Variants in MPV17 observed in about 807,000 individuals in gnomAD.
MPV17 encodes MPV17, mitochondrial inner membrane protein.
Under a neutral mutation model 28.6 loss-of-function variants are expected in MPV17, and 31 were observed. That is an observed-to-expected ratio of 1.08 (90% CI 0.81 to 1.46). The LOEUF (loss-of-function observed/expected upper bound fraction) is 1.46. Among genes scored for constraint, MPV17 ranks in the 40% most tolerant of loss-of-function variants. The pLI is 0.00. For synonymous variants in MPV17, 87 were observed against 85.3 expected, an observed-to-expected ratio of 1.02 and a Z score of -0.11; for missense variants, 198 against 216.2, an observed-to-expected ratio of 0.92 and a Z score of 0.53.
intron 2 of MPV17, 32 bp downstream of exon 2, chr2:27,322,416 T>C: frequency 1.3e-6 from 2 of 1,589,250 alleles, no homozygotes; most frequent in Non-Finnish European, 1.7e-6. Flanking sequence ...CAGTCTGCCC[T>C]GGTCCCACTC....
chr2:27,313,291 G>T, intron 2 of MPV17, 182 bp from the exon 3 acceptor site: 1 of 1,365,808 alleles, frequency 7.3e-7, no homozygotes, highest in South Asian at 1.3e-5. Context: ...CAATGATGGT[G>T]ACACCTCATG....
intron 2 of MPV17, among the ~76,000 whole-genome samples, chr2:27,316,362 C>T (rs1266810264): frequency 1.3e-5 from 2 of 152,198 alleles, no homozygotes; most frequent in Non-Finnish European, 2.9e-5. Flanking sequence ...CTGTGCCCAT[C>T]AAGCCTGAGG....
chr2:27,321,277 T>G (rs1401019035), intron 2 of MPV17, among the ~76,000 whole-genome samples: 1 of 152,190 alleles, frequency 6.6e-6, no homozygotes, highest in East Asian at 1.9e-4. Flanking sequence ...ACCACACACG[T>G]AGCCAGGTGA....
intron 2 of MPV17, among the ~76,000 whole-genome samples, chr2:27,314,880 C>T (rs1333637948): frequency 6.6e-6 from 1 of 152,242 alleles, no homozygotes; most frequent in African/African-American, 2.4e-5. Flanking sequence ...GTTCTTCCTC[C>T]ACACCCTCTG....
Position 27,313,091 on chromosome 2 carries a change from C to T in MPV17, c.89G>A (p.Gly30Asp). The change falls in exon 3 of 8, where the codon GGT becomes GAT. Residue 30 changes from glycine to aspartate, a missense_variant. Coordinates refer to ENST00000380044, the MANE Select transcript of MPV17 (RefSeq NM_002437.5). ...CACCAGCTGCTGTGAGATAATGTCA[C>T]CCAGGCCCATCAGGGACCCTATGCA... ...VLTAGSLMGL[G>D]DIISQQLVER... The T allele has an allele frequency of 6.2e-7, 1 of 1,614,206 alleles. No individual in the cohort carries two copies. Among genetic ancestry groups the T allele is most frequent in the African/African-American group, 1.3e-5 (1 of 75,052 alleles).
chr2:27,322,374 G>A (rs755599654), intron 2 of MPV17, 74 bp downstream of exon 2: 2 of 1,183,358 alleles, frequency 1.7e-6, no homozygotes, highest in African/African-American at 3.0e-5. Context: ...AAGTGAGGGT[G>A]GTGCAGTGGG....
At position 27,313,574 on chromosome 2, in the gene MPV17, T is replaced by C. The variant is rs1428627876; in HGVS notation, c.71-465A>G. 2.6e-5 allele frequency among the ~76,000 whole-genome samples: 4 copies of C among 152,316 alleles called. No homozygotes were observed. The East Asian group carries it at 5.8e-4, about 22-fold the overall frequency. On this transcript the variant is annotated intron_variant, in intron 2 of 7. Coordinates refer to ENST00000380044, the MANE Select transcript of MPV17 (RefSeq NM_002437.5). ...CAGGTGGCTGGATTCCTAGACACTG[T>C]TCTTTCCAGGACTCAGCACAATGAA...
At chr2:27,312,612 C>T in intron 4 of MPV17, 23 bp from the exon 5 acceptor site, 1 of 1,613,798 alleles carries the variant, frequency 6.2e-7, no homozygotes, top group Non-Finnish European at 8.5e-7. Context: ...AATTAAAGTC[C>T]TATGAGTGCT....
Position 27,312,979 on chromosome 2 carries a change from G to A in MPV17, c.186+15C>T, listed in dbSNP as rs754297946. 1 of 1,613,742 alleles carries A rather than the reference G, an allele frequency of 6.2e-7. No individual in the cohort carries two copies. The highest frequency in any genetic ancestry group is 8.5e-7 in the Non-Finnish European group (1 of 1,179,588). ...CTGTTGAGTCCACTGAAGCCCTGTT[G>A]AGGGGAGAACTTACCACAAAGCCAC... is the stretch of plus-strand genomic sequence containing the variant. On this transcript the variant is annotated intron_variant, in intron 3 of 7. Coordinates refer to ENST00000380044, the MANE Select transcript of MPV17 (RefSeq NM_002437.5).
chr2:27,322,244 C>T lies in MPV17; in HGVS notation c.70+204G>A, dbSNP rs1679887723. 6 of 625,374 alleles carry T rather than the reference C, an allele frequency of 9.6e-6. No individual in the cohort carries two copies. In the South Asian group the frequency reaches 1.1e-4, roughly 11 times the overall value. The allele number at this position is 625,374 out of a possible 1,614,324, so 38.7% of individuals were successfully genotyped here. On this transcript the variant is annotated intron_variant, in intron 2 of 7. Transcript: ENST00000380044. ...TTTGAAATCCTAAAACCCTACTGCA[C>T]AGCTTGGCCAACTACGCATACCCCT...
intron 2 of MPV17, among the ~76,000 whole-genome samples, chr2:27,318,896 C>T (rs1393382001): frequency 6.6e-6 from 1 of 151,652 alleles, no homozygotes; most frequent in Non-Finnish European, 1.5e-5. Flanking sequence ...TCCCGAGTAG[C>T]TGGGATTACA....
At position 27,317,519 on chromosome 2, in the gene MPV17, C is replaced by T. The variant is rs149994673; in HGVS notation, c.71-4410G>A. Among the ~76,000 whole-genome samples the T allele has an allele frequency of 8.2e-4, 125 of 152,318 alleles. No homozygotes were observed. Among genetic ancestry groups the T allele is most frequent in the African/African-American group, 2.9e-3 (122 of 41,572 alleles). ...TGGTGGGCAGTGCCCTAGGTTATAA[C>T]GCCAGCTCAGCCACTGACTATCTGA... On this transcript the variant is annotated intron_variant, in intron 2 of 7. Transcript: ENST00000380044. The surrounding 1 kb of genome is among the most constrained non-coding windows in gnomAD (Gnocchi z 4.0).
At chr2:27,316,202 A>G (rs1679644902) in intron 2 of MPV17, 1 of 1,551,098 alleles carries the variant, frequency 6.4e-7, no homozygotes, top group Non-Finnish European at 8.7e-7. Context: ...AAAGAAACAG[A>G]GAAGTGTGTG....
At position 27,309,760 on chromosome 2, in the gene MPV17, T is replaced by G. The variant is rs1679356551; in HGVS notation, c.*152A>C. 1 of 706,720 alleles carries G rather than the reference T, an allele frequency of 1.4e-6. No individual in the cohort carries two copies. Among genetic ancestry groups the G allele is most frequent in the Non-Finnish European group, 2.6e-6 (1 of 379,404 alleles). 43.8% of individuals were successfully genotyped at this position (706,720 alleles called of 1,614,324 possible). On this transcript the variant is annotated 3_prime_UTR_variant, in exon 8 of 8. Transcript: ENST00000380044. ...AAAGCAGTCAGTGTACATTTTAGAG[T>G]GAAGAGGGGCATTGCAGGGTGCTAG...
chr2:27,316,262 A>G, intron 2 of MPV17: 2 of 1,522,146 alleles, frequency 1.3e-6, no homozygotes, highest in Non-Finnish European at 8.9e-7. Flanking sequence ...CTAGAGGCAG[A>G]GCTGGAATGA....
intron 2 of MPV17, chr2:27,316,328 A>G: frequency 9.8e-7 from 1 of 1,020,738 alleles, no homozygotes; most frequent in South Asian, 1.6e-5. Context: ...AGCCTTGGAG[A>G]AAGATGGATT....
chr2:27,312,512 G>A lies in MPV17; in HGVS notation c.357C>T (p.Asn119=), dbSNP rs137975836. The A allele has an allele frequency of 1.9e-6, 3 of 1,614,026 alleles. No homozygotes were observed. Among genetic ancestry groups the A allele is most frequent in the Non-Finnish European group, 2.5e-6 (3 of 1,179,986 alleles). The change falls in exon 5 of 8, where the codon AAC becomes AAT. Residue 119 remains asparagine, a synonymous_variant. Transcript: ENST00000380044. ...AGCTCACCCGCTGTAGTTTGGCCCA[G>A]TTGTCCTGGGCTGACAGTCCATTAA... The part of the protein sequence containing the change: ...GALNGLSAQD[N]WAKLQRDYPD...
chr2:27,312,359 A>G, intron 5 of MPV17, 113 bp from the exon 6 acceptor site: 1 of 1,423,532 alleles, frequency 7.0e-7, no homozygotes, highest in Non-Finnish European at 9.9e-7. Context: ...CTGCACCATA[A>G]CCCTCAGCTC....
In MPV17 at chr2:27,310,010, G is replaced by T. The variant is rs765790732; in HGVS notation, c.462-29C>A. On this transcript the variant is annotated intron_variant, in intron 7 of 7. Coordinates refer to ENST00000380044, the MANE Select transcript of MPV17 (RefSeq NM_002437.5). Reference sequence around the variant, plus strand: ...AGGAACAGGAATAACACAATGAAGAGGAGGAAGGCTAAGCAGTGAGCAAGG... The same window carrying T: ...AGGAACAGGAATAACACAATGAAGATGAGGAAGGCTAAGCAGTGAGCAAGG... 3 of 1,580,032 alleles carry T rather than the reference G, an allele frequency of 1.9e-6. No individual in the cohort carries two copies. The African/African-American group carries it at 4.0e-5, about 21-fold the overall frequency.
Sources: allele counts gnomAD v4.1 joint callset (sites outside exome capture counted in the v4.1 genomes callset), GRCh38; gene constraint gnomAD v4.1.1; non-coding constraint Gnocchi (gnomAD v3.1); transcripts MANE v1.5; gene names NCBI Gene and HGNC (gene_info 2026-07-23, HGNC 2026-07-21).